The following PCDHGA12 variants were observed in gnomAD, a reference collection of about 807,000 sequenced individuals.
The protein encoded by PCDHGA12 is protocadherin gamma subfamily A, 12.
A neutral mutation model predicts 61.1 loss-of-function variants in PCDHGA12; 43 were observed. That is an observed-to-expected ratio of 0.70 (90% confidence interval 0.55 to 0.91). The LOEUF (loss-of-function observed/expected upper bound fraction) is 0.91, where lower values mean the gene tolerates loss of function less well. Ranked by LOEUF, PCDHGA12 falls within the 40% of genes least tolerant of loss-of-function variation. The probability of loss-of-function intolerance (pLI) is 0.00; values close to 1 mark genes in which losing one functional copy is unlikely to be tolerated. For synonymous variants in PCDHGA12, 520 were observed against 542.9 expected, an observed-to-expected ratio of 0.96 and a Z score of 0.59; for missense variants, 1,236 against 1,227.7, an observed-to-expected ratio of 1.01 and a Z score of -0.10.
rs11343387 is a variant in PCDHGA12 at position 141,497,209 on chromosome 5, TGG to T, written c.2483+2352_2483+2353del. On this transcript the variant is annotated intron_variant, in intron 2 of 3. Transcript: ENST00000252085. ...GAGGCAGAGAACAATGTGAGTGTAATGGGGGGGGGAAGATCAGAGAAGGCTTC... is the reference window on the plus strand; with the variant it reads ...GAGGCAGAGAACAATGTGAGTGTAATGGGGGGGAAGATCAGAGAAGGCTTC... Among the ~76,000 whole-genome samples the T allele has an allele frequency of 3.8e-3, 569 of 151,352 alleles. 5 individuals are homozygous for T. Among genetic ancestry groups the T allele is most frequent in the Admixed American group, 0.011 (162 of 15,190 alleles).
intron 2 of PCDHGA12, among the ~76,000 whole-genome samples, chr5:141,495,678 C>T (rs1340336428): frequency 6.6e-6 from 1 of 152,180 alleles, no homozygotes; most frequent in African/African-American, 2.4e-5. Context: ...CTGTGCCTGC[C>T]ATGGCATAAG....
rs377060474 is a variant in PCDHGA12, at chr5:141,487,810, C to A, written c.2425-6997C>A. The A allele has an allele frequency of 7.4e-4, 1,055 of 1,417,844 alleles. 13 individuals carry two copies. In the South Asian group the frequency reaches 0.013, roughly 17 times the overall value. The allele number at this position is 1,417,844 out of a possible 1,614,324, so 87.8% of individuals were successfully genotyped here. A position where few individuals can be genotyped will look rare whatever the true frequency, so the allele number is the denominator to read the frequency against. ...ATTAACCAGAGTTGTCACAGTTTAG[C>A]ATTGGGGGCGGGTCATGCCTATATC... On this transcript the variant is annotated intron_variant, in intron 1 of 3. Transcript: ENST00000252085. The surrounding 1 kb of genome is among the most constrained non-coding windows in gnomAD (Gnocchi z 5.0).
At chr5:141,497,307 C>T (rs1295364802) in intron 2 of PCDHGA12, among the ~76,000 whole-genome samples, 1 of 152,096 alleles carries the variant, frequency 6.6e-6, no homozygotes, top group Non-Finnish European at 1.5e-5. Flanking sequence ...CCAGGCCATA[C>T]ACTGGCTTTG....
chr5:141,480,021 C>G (rs1415230863), intron 1 of PCDHGA12, among the ~76,000 whole-genome samples: 1 of 152,208 alleles, frequency 6.6e-6, no homozygotes, highest in Non-Finnish European at 1.5e-5. Context: ...AATCTCCTTT[C>G]TAAGCCTCTT....
At chr5:141,484,404 G>C (rs1333849091) in intron 1 of PCDHGA12, among the ~76,000 whole-genome samples, 3 of 152,174 alleles carry the variant, frequency 2.0e-5, no homozygotes, top group Non-Finnish European at 4.4e-5. Flanking sequence ...GGTTTCCGCT[G>C]TGTCTCCTGT....
intron 1 of PCDHGA12, among the ~76,000 whole-genome samples, chr5:141,433,680 A>G (rs570459317): frequency 1.3e-5 from 2 of 152,236 alleles, no homozygotes; most frequent in African/African-American, 4.8e-5. Context: ...TACTAAAAAA[A>G]TACAAAATTA....
chr5:141,444,410 A>G (rs2098435910), intron 1 of PCDHGA12, among the ~76,000 whole-genome samples: 1 of 151,922 alleles, frequency 6.6e-6, no homozygotes, highest in African/African-American at 2.4e-5. Flanking sequence ...ACCTCAGGTG[A>G]TCTTCCCTCC....
At position 141,493,323 on chromosome 5, in the gene PCDHGA12, C is replaced by T. The variant is rs542332335; in HGVS notation, c.2425-1484C>T. Among the ~76,000 whole-genome samples the T allele has an allele frequency of 6.6e-6, 1 of 152,294 alleles. No homozygotes were observed. The highest frequency in any genetic ancestry group is 6.5e-5 in the Admixed American group (1 of 15,300). On this transcript the variant is annotated intron_variant, in intron 1 of 3. Transcript: ENST00000252085. The surrounding 1 kb of genome is among the most constrained non-coding windows in gnomAD (Gnocchi z 4.3). ...AGAGCAAGTAAGAGAGATTCTAACC[C>T]CTGTCTAACTCCAGAATGTGTGCTT...
rs760095389 is a variant in PCDHGA12, at chr5:141,486,731, A to G, written c.2425-8076A>G. On this transcript the variant is annotated intron_variant, in intron 1 of 3. Transcript: ENST00000252085. The surrounding 1 kb of genome is among the most constrained non-coding windows in gnomAD (Gnocchi z 5.0). ...CCCCCAGACAGGAGCTGTTCATGCT[A>G]CTCGATCCTTTGACTATGAGCAAAC... The G allele has an allele frequency of 6.2e-7, 1 of 1,614,060 alleles. No individual in the cohort carries two copies. Among genetic ancestry groups the G allele is most frequent in the Non-Finnish European group, 8.5e-7 (1 of 1,180,012 alleles).
At chr5:141,467,768 C>T (rs2099151160) in intron 1 of PCDHGA12, among the ~76,000 whole-genome samples, 2 of 151,794 alleles carry the variant, frequency 1.3e-5, no homozygotes, top group African/African-American at 2.4e-5. Flanking sequence ...CTCAAGTGCC[C>T]GCACCTCAGC....
rs1219684339 is a variant in PCDHGA12, at chr5:141,506,444, CAAAAAAAAAAA to C, written c.2572+974_2572+984del. Among the ~76,000 whole-genome samples, 33 of 95,024 alleles carry C rather than the reference CAAAAAAAAAAA, an allele frequency of 3.5e-4. No individual in the cohort carries two copies. The East Asian group carries it at 0.011, about 31-fold the overall frequency. The allele number at this position is 95,024 out of a possible 152,430, so 62.3% of individuals were successfully genotyped here. On this transcript the variant is annotated intron_variant, in intron 3 of 3. Coordinates refer to ENST00000252085, the MANE Select transcript of PCDHGA12 (RefSeq NM_003735.3). ...CCTGGGCAACAGTCTCGCTCTGTCTCAAAAAAAAAAAAAAAAAAAAAGAGCACAGGCTTTAG... is the reference window on the plus strand; with the variant it reads ...CCTGGGCAACAGTCTCGCTCTGTCTCAAAAAAAAAAGAGCACAGGCTTTAG...
Position 141,485,181 on chromosome 5 carries a change from G to C in PCDHGA12, c.2425-9626G>C. 1 of 1,612,942 alleles carries C rather than the reference G, an allele frequency of 6.2e-7. No individual in the cohort carries two copies. Among genetic ancestry groups the C allele is most frequent in the East Asian group, 2.2e-5 (1 of 44,868 alleles). On this transcript the variant is annotated intron_variant, in intron 1 of 3. Transcript: ENST00000252085. This position sits in a 1 kb window ranked among gnomAD's most constrained non-coding sequence, Gnocchi z 5.7. ...AATTAGCGGGCGGCAGCAATGCTCC[G>C]CAAGGTGAGAAGCTGGACAGAAATC...
intron 1 of PCDHGA12, chr5:141,475,816 C>A (rs1051857446): frequency 1.5e-5 from 5 of 342,872 alleles, no homozygotes; most frequent in Admixed American, 9.0e-5. Context: ...AGTGAAGTTC[C>A]TGGCGCTAGC....
chr5:141,431,401 C>T lies in PCDHGA12; in HGVS notation c.642C>T (p.Ala214=). ...CTGCTCACCACCTGGTCCTTACGGC[C>T]TCCGACGGGGGCGACCCGGTGCGCA... ...EKAAHHLVLT[A]SDGGDPVRTG... Residue 214 remains alanine, a synonymous_variant, in exon 1 of 4, where the codon GCC becomes GCT. Transcript: ENST00000252085. The surrounding 1 kb of genome is among the most constrained non-coding windows in gnomAD (Gnocchi z 4.8). 2 of 1,613,800 alleles carry T rather than the reference C, an allele frequency of 1.2e-6. No homozygotes were observed. Among genetic ancestry groups the T allele is most frequent in the Admixed American group, 1.7e-5 (1 of 60,036 alleles).
chr5:141,452,378 T>C (rs1227738942), intron 1 of PCDHGA12, among the ~76,000 whole-genome samples: 1 of 152,226 alleles, frequency 6.6e-6, no homozygotes, highest in African/African-American at 2.4e-5. Context: ...TAGTAGGGAA[T>C]AGTATTTAGA....
At chr5:141,433,246 T>C (rs775015156) in intron 1 of PCDHGA12, 63 bp downstream of exon 1, 1 of 1,462,358 alleles carries the variant, frequency 6.8e-7, no homozygotes, top group Non-Finnish European at 9.3e-7. Flanking sequence ...CAAGCTGGAA[T>C]GCAGCGGTAC....
intron 2 of PCDHGA12, among the ~76,000 whole-genome samples, chr5:141,501,166 C>T (rs1443045812): frequency 6.6e-6 from 1 of 152,154 alleles, no homozygotes; most frequent in African/African-American, 2.4e-5. Flanking sequence ...CATCCCCAGC[C>T]TCATTTACAT....
chr5:141,471,408 T>C (rs951728688), intron 1 of PCDHGA12: 1 of 152,166 alleles, frequency 6.6e-6, no homozygotes, highest in Non-Finnish European at 1.5e-5. Flanking sequence ...CTAGGCTTAG[T>C]TATGTTTTTA....
In PCDHGA12 at chr5:141,494,748, C is replaced by T. The variant is rs566281527; in HGVS notation, c.2425-59C>T. On this transcript the variant is annotated intron_variant, in intron 1 of 3. Coordinates refer to ENST00000252085, the MANE Select transcript of PCDHGA12 (RefSeq NM_003735.3). ...CTCTCCCGGCCCATCCCTAGGGGCTCGGGTGACATTCTAACTTCTCACGGG... is the reference window on the plus strand; with the variant it reads ...CTCTCCCGGCCCATCCCTAGGGGCTTGGGTGACATTCTAACTTCTCACGGG... 1.4e-5 allele frequency: 22 copies of T among 1,613,104 alleles called. No individual in the cohort carries two copies. The East Asian group carries it at 4.2e-4, about 31-fold the overall frequency.
Sources: gnomAD v4.1 joint callset for allele counts (sites outside exome capture counted in the v4.1 genomes callset) on GRCh38, gnomAD v4.1.1 for gene constraint, Gnocchi (gnomAD v3.1) non-coding constraint, MANE v1.5 for transcripts, NCBI Gene and HGNC (gene_info 2026-07-23, HGNC 2026-07-21) for gene names.